ESR1: variants seen among roughly 807,000 people sequenced by gnomAD.
The protein encoded by ESR1 is estrogen receptor 1.
A neutral mutation model predicts 52.7 loss-of-function variants in ESR1; 12 were observed. The observed-to-expected ratio is 0.23, with a 90% CI of 0.15 to 0.37. The LOEUF is 0.37. Ranked by LOEUF, ESR1 falls within the 10% of genes least tolerant of loss-of-function variation. The pLI, the probability that ESR1 is intolerant of heterozygous loss-of-function variation, is 1.00. For missense variants in ESR1, 584 were observed against 779.7 expected, an observed-to-expected ratio of 0.75 and a Z score of 2.99; for synonymous variants, 305 against 316.8, an observed-to-expected ratio of 0.96 and a Z score of 0.39.
At chr6:152,125,896 A>G (rs955062372) in exon 7 of ESR1, 1 of 152,438 alleles carries the variant, frequency 6.6e-6, no homozygotes, top group East Asian at 1.9e-4. Context: ...ATCATAAATC[A>G]TGACAGCCAA....
intron 3 of ESR1, among the ~76,000 whole-genome samples, chr6:151,897,936 T>A (rs1795808453): frequency 6.6e-6 from 1 of 152,200 alleles, no homozygotes; most frequent in Non-Finnish European, 1.5e-5. Context: ...AAAGACTGTA[T>A]CTGTCCTTCA....
At chr6:151,731,741 C>T (rs1342204957) in intron 2 of ESR1, among the ~76,000 whole-genome samples, 2 of 152,098 alleles carry the variant, frequency 1.3e-5, no homozygotes, top group East Asian at 1.9e-4. Context: ...TTTCTAATAA[C>T]CTTTATAATT....
intron 3 of ESR1, among the ~76,000 whole-genome samples, chr6:151,927,317 T>C (rs766551518): frequency 2.6e-5 from 4 of 152,202 alleles, no homozygotes; most frequent in Non-Finnish European, 5.9e-5. Context: ...TCTTATAATA[T>C]CTTTATCTGA....
At chr6:151,851,807 C>T (rs1347786875) in intron 2 of ESR1, among the ~76,000 whole-genome samples, 1 of 152,112 alleles carries the variant, frequency 6.6e-6, no homozygotes, top group Non-Finnish European at 1.5e-5. Flanking sequence ...GGATTACAGG[C>T]GTGAGCCGCC....
chr6:152,112,175 G>GGACA (rs1192861141), intron 6 of ESR1, among the ~76,000 whole-genome samples: 1 of 152,148 alleles, frequency 6.6e-6, no homozygotes, highest in Admixed American at 6.5e-5. Flanking sequence ...AACCCAAAAA[G>GGACA]GACAGAACTC....
intron 1 of ESR1, among the ~76,000 whole-genome samples, chr6:151,835,062 G>A (rs827423): frequency 0.49 from 75,127 of 151,836 alleles, 19,155 homozygotes; most frequent in Admixed American, 0.64. Context: ...GCTCCCTGGA[G>A]GAAATGCAGT....
intron 6 of ESR1, among the ~76,000 whole-genome samples, chr6:152,072,357 T>C (rs1472669234): frequency 2.0e-5 from 3 of 152,222 alleles, no homozygotes; most frequent in Non-Finnish European, 4.4e-5. Flanking sequence ...CACTGATTTT[T>C]TTTTAAGTGA....
chr6:151,733,911 C>G (rs377625740), intron 2 of ESR1, among the ~76,000 whole-genome samples: 1 of 152,150 alleles, frequency 6.6e-6, no homozygotes, highest in East Asian at 1.9e-4. Flanking sequence ...TGCCCTCCAC[C>G]GGATGCCTCT....
intron 1 of ESR1, among the ~76,000 whole-genome samples, chr6:151,693,037 C>G (rs919660554): frequency 2.0e-5 from 3 of 152,186 alleles, no homozygotes; most frequent in Non-Finnish European, 4.4e-5. Flanking sequence ...TCTAGCTGTG[C>G]AATTTAGAGG....
intron 1 of ESR1, among the ~76,000 whole-genome samples, chr6:151,669,488 G>A (rs1314521089): frequency 6.6e-6 from 1 of 152,152 alleles, no homozygotes; most frequent in Non-Finnish European, 1.5e-5. Context: ...GTGTGAGAGA[G>A]CAACAGCACA....
intron 6 of ESR1, among the ~76,000 whole-genome samples, chr6:152,116,635 T>A (rs536650850): frequency 6.6e-6 from 1 of 152,118 alleles, no homozygotes; most frequent in South Asian, 2.1e-4. Flanking sequence ...AATAGACACA[T>A]ACACAGCGAG....
intron 3 of ESR1, among the ~76,000 whole-genome samples, chr6:151,887,764 A>G (rs925036379): frequency 6.6e-6 from 1 of 152,014 alleles, no homozygotes; most frequent in Non-Finnish European, 1.5e-5. Context: ...AACAATCCCT[A>G]TAAGGACCAT....
At chr6:151,764,026 C>G (rs556769867) in intron 2 of ESR1, among the ~76,000 whole-genome samples, 1 of 152,224 alleles carries the variant, frequency 6.6e-6, no homozygotes, top group African/African-American at 2.4e-5. Flanking sequence ...GGGAAACAGG[C>G]AGTTCCCTGT....
At chr6:151,947,193 T>C (rs1449864911) in intron 4 of ESR1, among the ~76,000 whole-genome samples, 8 of 152,008 alleles carry the variant, frequency 5.3e-5, no homozygotes, top group Admixed American at 2.0e-4. Flanking sequence ...GTGGCACACA[T>C]CCATAGTCCC....
At chr6:151,802,992 C>CAAA (rs34766229), upstream of ESR1, among the ~76,000 whole-genome samples, 1 of 120,752 alleles carries the variant, frequency 8.3e-6, no homozygotes. Flanking sequence ...AACTCTGTCT[C>CAAA]AAAAAAAAAA....
intron 5 of ESR1, among the ~76,000 whole-genome samples, chr6:152,026,474 A>G (rs1418537089): frequency 6.6e-6 from 1 of 151,954 alleles, no homozygotes; most frequent in Non-Finnish European, 1.5e-5. Context: ...CTTTGCTTTC[A>G]GTTTCTATTT....
chr6:151,684,798 G>T (rs148921018), intron 1 of ESR1, among the ~76,000 whole-genome samples: 1 of 152,324 alleles, frequency 6.6e-6, no homozygotes, highest in African/African-American at 2.4e-5. Flanking sequence ...GCTCACAGAA[G>T]CCCCCAGTGC....
chr6:151,939,600 T>TA (rs375593469), intron 3 of ESR1, among the ~76,000 whole-genome samples: 10 of 152,206 alleles, frequency 6.6e-5, no homozygotes, highest in Admixed American at 2.0e-4. Flanking sequence ...CTTTTTTTTT[T>TA]ACCTTCTTCC....
intron 4 of ESR1, among the ~76,000 whole-genome samples, chr6:151,964,497 T>C (rs2982692): frequency 0.81 from 122,762 of 151,944 alleles, 49,946 homozygotes; most frequent in Middle Eastern, 0.9. Flanking sequence ...AGAAAAGCTA[T>C]GGATTTTTGC....
Sources: gnomAD v4.1 joint callset for allele counts (sites outside exome capture counted in the v4.1 genomes callset) on GRCh38, gnomAD v4.1.1 for gene constraint, MANE v1.5 for transcripts, NCBI Gene and HGNC (gene_info 2026-07-23, HGNC 2026-07-21) for gene names.